Variants in NCOA1 observed in about 807,000 individuals in gnomAD.
The protein encoded by NCOA1 is Hin-2 protein.
Under a neutral mutation model 150.9 loss-of-function variants are expected in NCOA1, and 35 were observed. The observed-to-expected ratio is 0.23, with a 90% CI of 0.18 to 0.31. NCOA1 has a LOEUF of 0.31. Ranked by LOEUF, NCOA1 falls within the 10% of genes least tolerant of loss-of-function variation. The probability of loss-of-function intolerance (pLI) is 1.00; values close to 1 mark genes in which losing one functional copy is unlikely to be tolerated. For missense variants in NCOA1, 1,491 were observed against 1,749.3 expected, an observed-to-expected ratio of 0.85 and a Z score of 2.63; for synonymous variants, 590 against 630.0, an observed-to-expected ratio of 0.94 and a Z score of 0.95.
intron 22 of NCOA1, among the ~76,000 whole-genome samples, chr2:24,766,090 G>T (rs1665050642): frequency 6.6e-6 from 1 of 151,652 alleles, no homozygotes; most frequent in Non-Finnish European, 1.5e-5. Flanking sequence ...TTGTAGAGAT[G>T]GGTCTCACTA....
chr2:24,592,714 T>TA (rs1285923989), intron 3 of NCOA1, among the ~76,000 whole-genome samples: 1 of 150,886 alleles, frequency 6.6e-6, no homozygotes, highest in African/African-American at 2.4e-5. Context: ...AAAAGCATAA[T>TA]AAAAAAGCTT....
At chr2:24,753,521 A>G (rs1169455832) in intron 20 of NCOA1, among the ~76,000 whole-genome samples, 1 of 152,188 alleles carries the variant, frequency 6.6e-6, no homozygotes, top group Non-Finnish European at 1.5e-5. Context: ...CATTCCACAG[A>G]AAGTGTCCCT....
chr2:24,552,517 C>T (rs1665900728), intron 1 of NCOA1, among the ~76,000 whole-genome samples: 1 of 150,928 alleles, frequency 6.6e-6, no homozygotes, highest in African/African-American at 2.4e-5. Context: ...AGGCATGTGC[C>T]ACCACACCCA....
At chr2:24,556,389 A>C (rs552083885) in intron 1 of NCOA1, among the ~76,000 whole-genome samples, 2 of 152,180 alleles carry the variant, frequency 1.3e-5, no homozygotes, top group African/African-American at 4.8e-5. Context: ...TGTTTAGTCT[A>C]TCATTGATGG....
Position 24,706,861 on chromosome 2 carries a change from G to C in NCOA1, c.1391G>C (p.Ser464Thr). The change falls in exon 13 of 23, where the codon AGC becomes ACC. Residue 464 changes from serine (S) to threonine (T), a missense_variant. Ser to Thr is a moderately conservative substitution (Grantham distance 58). Transcript: ENST00000348332. ...ALNQGQASSQ[S>T]SNPSLNLNNS... is the part of the protein sequence containing the mutation. ...AACCAAGGACAGGCCAGTTCACAGA[G>C]CAGTAATCCCTCTTTAAACCTCAAT... The C allele has an allele frequency of 6.2e-7, 1 of 1,614,158 alleles. No homozygotes were observed. Among genetic ancestry groups the C allele is most frequent in the Non-Finnish European group, 8.5e-7 (1 of 1,180,030 alleles).
chr2:24,587,606 T>C (rs1667470538), intron 3 of NCOA1, among the ~76,000 whole-genome samples: 1 of 152,244 alleles, frequency 6.6e-6, no homozygotes. Context: ...CTTGTATCTC[T>C]CTCAAGATAC....
At chr2:24,714,612 T>G (rs1345417655) in intron 14 of NCOA1, among the ~76,000 whole-genome samples, 1 of 151,536 alleles carries the variant, frequency 6.6e-6, no homozygotes, top group Non-Finnish European at 1.5e-5. Context: ...AAAAGAGCAA[T>G]AAACATGACA....
At chr2:24,682,799 A>C in intron 7 of NCOA1, 152 bp from the exon 8 acceptor site, 2 of 494,596 alleles carry the variant, frequency 4.0e-6, no homozygotes, top group Non-Finnish European at 6.3e-6. Flanking sequence ...TATTATGTTT[A>C]TGTCTCTCTC....
chr2:24,731,695 A>T (rs1663020613), intron 17 of NCOA1, among the ~76,000 whole-genome samples: 1 of 152,198 alleles, frequency 6.6e-6, no homozygotes, highest in South Asian at 2.1e-4. Context: ...AAGAGAAGGA[A>T]TCATAAATGT....
intron 14 of NCOA1, 65 bp downstream of exon 14, chr2:24,711,176 C>G (rs1306187919): frequency 1.0e-5 from 15 of 1,477,056 alleles, no homozygotes; most frequent in African/African-American, 1.4e-5. Context: ...CATTTTGTCT[C>G]TCACCAGTAT....
intron 1 of NCOA1, among the ~76,000 whole-genome samples, chr2:24,545,738 G>A (rs566055777): frequency 6.6e-6 from 1 of 152,324 alleles, no homozygotes; most frequent in East Asian, 1.9e-4. Flanking sequence ...CTTTACGTAT[G>A]TGGCTCTAAA....
intron 3 of NCOA1, among the ~76,000 whole-genome samples, chr2:24,611,209 G>A (rs1202516224): frequency 6.6e-6 from 1 of 152,100 alleles, no homozygotes; most frequent in East Asian, 1.9e-4. Context: ...TGCAGTATTT[G>A]GTTTTCTGTT....
chr2:24,556,223 C>G (rs1666065209), intron 1 of NCOA1, among the ~76,000 whole-genome samples: 1 of 152,158 alleles, frequency 6.6e-6, no homozygotes, highest in African/African-American at 2.4e-5. Context: ...TGTTCAGATC[C>G]CAATTACAAG....
intron 7 of NCOA1, among the ~76,000 whole-genome samples, chr2:24,675,894 AAATT>A (rs1671886608): frequency 6.6e-6 from 1 of 152,194 alleles, no homozygotes; most frequent in African/African-American, 2.4e-5. Flanking sequence ...CAAAATAAAT[AAATT>A]AATAAATAAG....
chr2:24,545,736 A>T (rs1465882032), intron 1 of NCOA1, among the ~76,000 whole-genome samples: 1 of 152,210 alleles, frequency 6.6e-6, no homozygotes, highest in Non-Finnish European at 1.5e-5. Context: ...CTCTTTACGT[A>T]TGTGGCTCTA....
intron 3 of NCOA1, among the ~76,000 whole-genome samples, chr2:24,598,266 G>A (rs11690148): frequency 0.015 from 2,285 of 152,198 alleles, 27 homozygotes; most frequent in Non-Finnish European, 0.02. Flanking sequence ...ATTTCAGTGG[G>A]AAGATTCAGC....
chr2:24,658,315 A>G (rs1049003543), intron 4 of NCOA1, among the ~76,000 whole-genome samples: 2 of 152,204 alleles, frequency 1.3e-5, no homozygotes, highest in African/African-American at 2.4e-5. Flanking sequence ...CCAGTTCAAC[A>G]TTCGGCTTCT....
intron 1 of NCOA1, among the ~76,000 whole-genome samples, chr2:24,508,535 G>C (rs1238676227): frequency 1.3e-5 from 2 of 152,024 alleles, no homozygotes; most frequent in African/African-American, 4.8e-5. Flanking sequence ...GGCTGATACT[G>C]TCTTTTTTGG....
rs13030717 is a variant in NCOA1, at chr2:24,715,492, A to G, written c.2599+4381A>G. Reference sequence around the variant, plus strand: ...AATATTCTATAAGTGTCCTGCATGTAGAAAATCCTAAAGAAGTGAGAGGAA... The same window carrying G: ...AATATTCTATAAGTGTCCTGCATGTGGAAAATCCTAAAGAAGTGAGAGGAA... On this transcript the variant is annotated intron_variant, in intron 14 of 22. Transcript: ENST00000348332. Among the ~76,000 whole-genome samples the G allele has an allele frequency of 8.8e-3, 1,345 of 152,312 alleles. 8 individuals are homozygous for G. The highest frequency in any genetic ancestry group is 0.014 in the Non-Finnish European group (942 of 68,000).
Sources: allele counts gnomAD v4.1 joint callset (sites outside exome capture counted in the v4.1 genomes callset), GRCh38; gene constraint gnomAD v4.1.1; transcripts MANE v1.5; gene names NCBI Gene and HGNC (gene_info 2026-07-23, HGNC 2026-07-21).